Variants in SHANK2 observed in about 807,000 individuals in gnomAD.
SHANK2 encodes the protein SH3 and multiple ankyrin repeat domains protein 2.
In SHANK2, 43 loss-of-function variants were observed where a neutral mutation model predicts 133.7. The observed-to-expected ratio is 0.32, with a 90% CI of 0.25 to 0.41. The LOEUF is 0.41. Among genes scored for constraint, SHANK2 ranks in the 10% least tolerant of loss-of-function variants. The pLI, the probability that SHANK2 is intolerant of heterozygous loss-of-function variation, is 1.00. For missense variants in SHANK2, 1,994 were observed against 2,235.8 expected (o/e 0.89, Z 2.18); for synonymous variants, 1,017 against 952.8 (o/e 1.07, Z -1.24).
intron 17 of SHANK2, among the ~76,000 whole-genome samples, chr11:70,510,917 A>C (rs1247950733): frequency 6.6e-6 from 1 of 152,234 alleles, no homozygotes; most frequent in Non-Finnish European, 1.5e-5. Flanking sequence ...AGCCAGCCCC[A>C]ACCAAAGAGG....
At chr11:70,632,834 T>C (rs1028015295) in intron 17 of SHANK2, among the ~76,000 whole-genome samples, 1 of 151,766 alleles carries the variant, frequency 6.6e-6, no homozygotes, top group Non-Finnish European at 1.5e-5. Context: ...GGGGGAAGAG[T>C]AGACAGGACC....
chr11:70,531,357 G>A (rs1420997430), intron 17 of SHANK2, among the ~76,000 whole-genome samples: 1 of 152,196 alleles, frequency 6.6e-6, no homozygotes, highest in Non-Finnish European at 1.5e-5. Context: ...CACTCTTTGG[G>A]GTCTTGGAGG....
At chr11:70,844,583 C>G (rs979862300) in intron 11 of SHANK2, among the ~76,000 whole-genome samples, 1 of 152,178 alleles carries the variant, frequency 6.6e-6, no homozygotes, top group African/African-American at 2.4e-5. Context: ...CTGCTGCAGC[C>G]CTTTGAGTAA....
chr11:70,801,340 T>C (rs1555050455), intron 13 of SHANK2, among the ~76,000 whole-genome samples: 1 of 152,192 alleles, frequency 6.6e-6, no homozygotes, highest in African/African-American at 2.4e-5. Context: ...GGAGCCTTCA[T>C]GTCAGGGGCG....
chr11:70,599,913 A>AAGAAAGAAAAAGAAAGAAAG (rs2060463814), intron 17 of SHANK2, among the ~76,000 whole-genome samples: 1 of 71,770 alleles, frequency 1.4e-5, no homozygotes, highest in Non-Finnish European at 2.9e-5. Flanking sequence ...AAGAGAAAGA[A>AAGAAAGAAAAAGAAAGAAAG]AGAAAGAAAG....
At chr11:70,776,318 AG>A (rs1434246716) in intron 14 of SHANK2, among the ~76,000 whole-genome samples, 5 of 152,124 alleles carry the variant, frequency 3.3e-5, no homozygotes, top group African/African-American at 1.2e-4. Flanking sequence ...CTGGCTCCAC[AG>A]GGGTAGGGCT....
chr11:70,507,188 C>T (rs55976512), intron 17 of SHANK2, among the ~76,000 whole-genome samples: 2 of 152,292 alleles, frequency 1.3e-5, no homozygotes, highest in East Asian at 1.9e-4. Flanking sequence ...CCTCCTGGGC[C>T]CTGACGTCAC....
intron 3 of SHANK2, among the ~76,000 whole-genome samples, chr11:71,134,029 C>G (rs1235791025): frequency 2.0e-5 from 3 of 150,822 alleles, no homozygotes; most frequent in Non-Finnish European, 4.4e-5. Flanking sequence ...ACCACTGCAC[C>G]CGGCTACATT....
In SHANK2 at chr11:70,756,508, G is replaced by A. The variant is rs372276980; in HGVS notation, c.1777+41935C>T. ...CCCAGAACAGGCATTTGAATCCACC[G>A]CCGCCTGCACGCTCCTTCCCTCCAG... On this transcript the variant is annotated intron_variant, in intron 14 of 25. Transcript: ENST00000601538. 1.1e-3 allele frequency among the ~76,000 whole-genome samples: 173 copies of A among 152,196 alleles called. 3 individuals carry two copies. In the South Asian group the frequency reaches 0.034, roughly 30 times the overall value.
chr11:70,927,726 T>C (rs915943809), intron 10 of SHANK2, among the ~76,000 whole-genome samples: 1 of 152,110 alleles, frequency 6.6e-6, no homozygotes, highest in East Asian at 1.9e-4. Context: ...CTGGGTCTAT[T>C]TGGGAGGCTG....
intron 14 of SHANK2, among the ~76,000 whole-genome samples, chr11:70,722,473 C>A (rs1555029450): frequency 1.3e-5 from 2 of 152,256 alleles, no homozygotes. Flanking sequence ...TTTCCTGATT[C>A]AATCCCCTCT....
intron 15 of SHANK2, among the ~76,000 whole-genome samples, chr11:70,672,005 A>G (rs1555016166): frequency 6.8e-6 from 1 of 148,112 alleles, no homozygotes; most frequent in Non-Finnish European, 1.5e-5. Flanking sequence ...CTTAAATCAC[A>G]CTGTATCTCC....
intron 17 of SHANK2, among the ~76,000 whole-genome samples, chr11:70,593,908 T>C (rs890632107): frequency 6.6e-6 from 1 of 152,094 alleles, no homozygotes; most frequent in Non-Finnish European, 1.5e-5. Context: ...GGTGATACAA[T>C]AGTGACTGAT....
intron 21 of SHANK2, among the ~76,000 whole-genome samples, chr11:70,496,618 A>T (rs1781469463): frequency 2.6e-5 from 4 of 152,170 alleles, no homozygotes; most frequent in Admixed American, 2.0e-4. Context: ...TGGCTGTAGT[A>T]AAGGGATTGT....
intron 17 of SHANK2, among the ~76,000 whole-genome samples, chr11:70,626,568 G>A (rs1555000032): frequency 1.3e-5 from 2 of 152,218 alleles, no homozygotes; most frequent in Non-Finnish European, 2.9e-5. Flanking sequence ...GCCAGAGGCA[G>A]AGCTCGTCAG....
intron 10 of SHANK2, among the ~76,000 whole-genome samples, chr11:70,906,134 C>T: frequency 6.6e-6 from 1 of 152,190 alleles, no homozygotes; most frequent in East Asian, 1.9e-4. Flanking sequence ...ATGTGACAGC[C>T]TGAACAGACA....
chr11:71,124,043 G>A (rs1262898554), intron 3 of SHANK2, among the ~76,000 whole-genome samples: 5 of 140,152 alleles, frequency 3.6e-5, no homozygotes, highest in African/African-American at 1.3e-4. Context: ...TGGTAGTGGT[G>A]GCAGTGATGG....
chr11:70,754,663 G>A (rs897078283), intron 14 of SHANK2, among the ~76,000 whole-genome samples: 3 of 152,198 alleles, frequency 2.0e-5, no homozygotes, highest in Admixed American at 6.5e-5. Flanking sequence ...GCGGTAGGAG[G>A]AGGTGGAAAT....
At chr11:70,721,144 G>A (rs527325553) in intron 14 of SHANK2, among the ~76,000 whole-genome samples, 57 of 152,256 alleles carry the variant, frequency 3.7e-4, no homozygotes, top group Admixed American at 3.5e-3. Context: ...TCTCTCCACC[G>A]ACGTCTAGGG....
Sources: allele counts gnomAD v4.1 joint callset (sites outside exome capture counted in the v4.1 genomes callset), GRCh38; gene constraint gnomAD v4.1.1; transcripts MANE v1.5; gene names NCBI Gene and HGNC (gene_info 2026-07-23, HGNC 2026-07-21).